The following DPP10 variants were observed in gnomAD, a reference collection of about 807,000 sequenced individuals.
DPP10 encodes dipeptidyl peptidase like 10.
In DPP10, 33 loss-of-function variants were observed where a neutral mutation model predicts 120.9. That is an observed-to-expected ratio of 0.27 (90% CI 0.21 to 0.37). The LOEUF (loss-of-function observed/expected upper bound fraction) is 0.37. Ranked by LOEUF, DPP10 falls within the 10% of genes least tolerant of loss-of-function variation. DPP10 has a pLI of 1.00. For synonymous variants in DPP10, 337 were observed against 326.1 expected (o/e 1.03, Z -0.36); for missense variants, 816 against 942.8 (o/e 0.87, Z 1.76).
At chr2:114,450,211 G>A (rs1190695602) in intron 1 of DPP10, among the ~76,000 whole-genome samples, 1 of 151,956 alleles carries the variant, frequency 6.6e-6, no homozygotes, top group East Asian at 1.9e-4. Flanking sequence ...CCCCAAAAAT[G>A]GTTCTTTTAG....
rs1558764500 is a variant in DPP10 at position 114,442,849 on chromosome 2, GT to G, written c.60+16del. ...TCAAAAACAATCAAGGTAGGATCTG[GT>G]TTTTCCCTCTGCTTCTGCACATGTG... On this transcript the variant is annotated intron_variant, in intron 1 of 25. Coordinates refer to ENST00000410059, the MANE Select transcript of DPP10 (RefSeq NM_020868.6). The G allele has an allele frequency of 1.9e-6, 3 of 1,613,168 alleles. No homozygotes were observed. Among genetic ancestry groups the G allele is most frequent in the Non-Finnish European group, 2.5e-6 (3 of 1,179,442 alleles).
chr2:115,472,091 GT>G (rs1254308107), intron 3 of DPP10, among the ~76,000 whole-genome samples: 1 of 151,984 alleles, frequency 6.6e-6, no homozygotes, highest in African/African-American at 2.4e-5. Context: ...TCTCCTGGCT[GT>G]GTTGTGCAAT....
At chr2:115,414,594 A>G (rs1559567399) in intron 3 of DPP10, among the ~76,000 whole-genome samples, 1 of 152,172 alleles carries the variant, frequency 6.6e-6, no homozygotes, top group Admixed American at 6.6e-5. Context: ...TGCACCATCA[A>G]ATAGCACTCA....
At chr2:115,374,539 G>A (rs1317176210) in intron 3 of DPP10, among the ~76,000 whole-genome samples, 2 of 152,216 alleles carry the variant, frequency 1.3e-5, no homozygotes, top group East Asian at 3.9e-4. Context: ...CCACCAGGCA[G>A]TGCCCCAGTG....
intron 3 of DPP10, among the ~76,000 whole-genome samples, chr2:115,353,481 T>A (rs924031135): frequency 1.3e-5 from 2 of 152,166 alleles, no homozygotes; most frequent in Non-Finnish European, 2.9e-5. Flanking sequence ...AACCCTTTAT[T>A]AGCTCTTAAT....
At chr2:115,025,679 C>A (rs1405336715) in intron 1 of DPP10, among the ~76,000 whole-genome samples, 1 of 152,090 alleles carries the variant, frequency 6.6e-6, no homozygotes. Flanking sequence ...TACTTCCAGT[C>A]TTTTTCATAA....
At chr2:115,547,466 A>G (rs1023423503) in intron 5 of DPP10, among the ~76,000 whole-genome samples, 1 of 152,158 alleles carries the variant, frequency 6.6e-6, no homozygotes, top group Non-Finnish European at 1.5e-5. Flanking sequence ...TCCATATCAG[A>G]TACACTTTTC....
At chr2:115,490,269 C>T (rs146563430) in intron 3 of DPP10, among the ~76,000 whole-genome samples, 5 of 152,072 alleles carry the variant, frequency 3.3e-5, no homozygotes, top group African/African-American at 7.2e-5. Flanking sequence ...GCAGAAGGTA[C>T]GTCTTCACAG....
At chr2:114,598,985 A>G (rs1180277229) in intron 1 of DPP10, among the ~76,000 whole-genome samples, 1 of 151,910 alleles carries the variant, frequency 6.6e-6, no homozygotes, top group Non-Finnish European at 1.5e-5. Context: ...ATTATGTAGA[A>G]TAAATGAGAT....
intron 5 of DPP10, among the ~76,000 whole-genome samples, chr2:115,641,228 G>GTTGTTC (rs1204569664): frequency 6.6e-6 from 1 of 152,082 alleles, no homozygotes; most frequent in Non-Finnish European, 1.5e-5. Context: ...GCTTCCACAA[G>GTTGTTC]AGTCCATCGT....
At chr2:115,195,692 T>A (rs989443944) in intron 1 of DPP10, among the ~76,000 whole-genome samples, 6 of 152,292 alleles carry the variant, frequency 3.9e-5, no homozygotes, top group African/African-American at 1.4e-4. Context: ...CATTTAGAAG[T>A]GGTAAAGGTT....
intron 10 of DPP10, chr2:115,750,292 C>A: frequency 7.9e-6 from 6 of 756,788 alleles, no homozygotes; most frequent in Non-Finnish European, 9.7e-6. Flanking sequence ...TACACCTAGG[C>A]TCCTGGGGCA....
chr2:115,676,324 C>A (rs1321502024), intron 5 of DPP10, among the ~76,000 whole-genome samples: 1 of 152,078 alleles, frequency 6.6e-6, no homozygotes, highest in East Asian at 1.9e-4. Flanking sequence ...CACTCAGAAC[C>A]AAAGCCAAAG....
At chr2:115,559,414 G>C (rs1287704397) in intron 5 of DPP10, among the ~76,000 whole-genome samples, 1 of 152,140 alleles carries the variant, frequency 6.6e-6, no homozygotes, top group African/African-American at 2.4e-5. Context: ...AATTATGACA[G>C]AATTATAATT....
intron 1 of DPP10, among the ~76,000 whole-genome samples, chr2:115,150,000 A>G (rs2104891450): frequency 6.6e-6 from 1 of 152,330 alleles, no homozygotes; most frequent in Non-Finnish European, 1.5e-5. Flanking sequence ...GTGAGGGAAT[A>G]AAAGAGTGAA....
At chr2:115,407,578 T>C (rs1168143223) in intron 3 of DPP10, among the ~76,000 whole-genome samples, 1 of 151,902 alleles carries the variant, frequency 6.6e-6, no homozygotes, top group African/African-American at 2.4e-5. Context: ...TTAGAAAACA[T>C]GTATCCAAAT....
chr2:115,337,661 T>TAAAAAAAA (rs11458121), intron 2 of DPP10, among the ~76,000 whole-genome samples: 1 of 71,688 alleles, frequency 1.4e-5, no homozygotes, highest in African/African-American at 5.6e-5. Context: ...AGGCTGCTCA[T>TAAAAAAAA]AAAAAAAAAA....
At chr2:114,791,832 G>T (rs766039899) in intron 1 of DPP10, among the ~76,000 whole-genome samples, 21 of 152,094 alleles carry the variant, frequency 1.4e-4, no homozygotes, top group Non-Finnish European at 2.2e-4. Context: ...ATGCAAACAC[G>T]TTTAGCATTA....
chr2:115,398,116 A>C (rs978303169), intron 3 of DPP10, among the ~76,000 whole-genome samples: 2 of 152,090 alleles, frequency 1.3e-5, no homozygotes, highest in Non-Finnish European at 2.9e-5. Context: ...TGAACTTAAA[A>C]ACTCATGGTT....
Sources: allele counts gnomAD v4.1 joint callset (sites outside exome capture counted in the v4.1 genomes callset), GRCh38; gene constraint gnomAD v4.1.1; transcripts MANE v1.5; gene names NCBI Gene and HGNC (gene_info 2026-07-23, HGNC 2026-07-21).